The following LRTM3 variants were observed in gnomAD, a reference collection of about 807,000 sequenced individuals.
LRTM3 encodes the protein leucine rich repeat transmembrane protein 3.
At chr13:102,732,900 C>A in the LRTM3 span, 1 of 1,551,408 alleles carries the variant, frequency 6.4e-7, no homozygotes, top group Non-Finnish European at 8.7e-7. Context: ...TCCTCCAGAT[C>A]CCCTGATTGA....
At chr13:102,746,626 G>A in the LRTM3 span, 1 of 1,551,196 alleles carries the variant, frequency 6.4e-7, no homozygotes, top group Non-Finnish European at 8.7e-7. Context: ...TACTTGTTGT[G>A]AGTGCAAATG....
At chr13:102,730,463 A>T in the LRTM3 span, 2 of 1,551,446 alleles carry the variant, frequency 1.3e-6, no homozygotes, top group Non-Finnish European at 1.7e-6. Flanking sequence ...CCTTAAATCA[A>T]CAGATTCACA....
chr13:102,742,315 A>G, the LRTM3 span: 1 of 1,549,746 alleles, frequency 6.5e-7, no homozygotes, highest in South Asian at 1.2e-5. Context: ...TACTTTCCAC[A>G]TCTGCTGTCT....
At chr13:102,731,410 C>T in the LRTM3 span, 1 of 1,551,426 alleles carries the variant, frequency 6.4e-7, no homozygotes, top group Non-Finnish European at 8.7e-7. Flanking sequence ...GTATCAGATT[C>T]AGTTGTATTT....
At chr13:102,749,523 A>G in the LRTM3 span, 3 of 1,551,428 alleles carry the variant, frequency 1.9e-6, no homozygotes, top group Non-Finnish European at 2.6e-6. Context: ...TCCTCACCTA[A>G]GTGTTCATCA....
chr13:102,748,564 ATT>A, the LRTM3 span: 3 of 1,550,686 alleles, frequency 1.9e-6, no homozygotes, highest in South Asian at 3.6e-5. Flanking sequence ...TTTTCATTCT[ATT>A]GTTCGATTCC....
chr13:102,754,957 C>T, the LRTM3 span, among the ~76,000 whole-genome samples: 1 of 152,178 alleles, frequency 6.6e-6, no homozygotes, highest in African/African-American at 2.4e-5. Flanking sequence ...CAGTCAGTGA[C>T]AAGTTTAAGC....
chr13:102,742,135 G>A, the LRTM3 span: 1 of 1,550,276 alleles, frequency 6.5e-7, no homozygotes, highest in Non-Finnish European at 8.7e-7. Context: ...AGTATCCAGA[G>A]TCATAAACAG....
the LRTM3 span, chr13:102,734,861 C>G: frequency 6.4e-7 from 1 of 1,551,034 alleles, no homozygotes. Context: ...TATTAAGATG[C>G]TTACTATTTG....
chr13:102,754,728 A>C, the LRTM3 span, among the ~76,000 whole-genome samples: 1 of 152,130 alleles, frequency 6.6e-6, no homozygotes, highest in Non-Finnish European at 1.5e-5. Context: ...GCCTCTCCCC[A>C]CCAAGGAATC....
chr13:102,738,584 T>G, the LRTM3 span: 2 of 1,550,370 alleles, frequency 1.3e-6, no homozygotes, highest in Non-Finnish European at 1.7e-6. Context: ...CTGTTCTTTT[T>G]GCAATATAGA....
the LRTM3 span, chr13:102,746,867 G>A: frequency 6.4e-7 from 1 of 1,551,294 alleles, no homozygotes. Flanking sequence ...CTCTGAATCT[G>A]CAGTGCATTT....
At chr13:102,758,464 T>A in the LRTM3 span, 1 of 1,540,140 alleles carries the variant, frequency 6.5e-7, no homozygotes, top group Non-Finnish European at 8.8e-7. Context: ...TGAATAGGAA[T>A]AAAAAAGTCA....
the LRTM3 span, chr13:102,743,429 T>A: frequency 6.4e-7 from 1 of 1,550,624 alleles, no homozygotes; most frequent in Non-Finnish European, 8.7e-7. Flanking sequence ...GGTTTTTAAA[T>A]TGGATTCAAG....
the LRTM3 span, chr13:102,732,472 A>T: frequency 2.6e-6 from 4 of 1,551,070 alleles, no homozygotes; most frequent in Non-Finnish European, 3.5e-6. Context: ...TCTGATCTTT[A>T]CGTTTGGGAG....
the LRTM3 span, chr13:102,739,073 A>G: frequency 3.9e-6 from 6 of 1,550,460 alleles, no homozygotes; most frequent in African/African-American, 1.4e-5. Context: ...TATTCCTCTC[A>G]TGTATACCTC....
the LRTM3 span, chr13:102,748,226 G>T: frequency 6.4e-7 from 1 of 1,551,154 alleles, no homozygotes; most frequent in Non-Finnish European, 8.7e-7. Context: ...GTTACTTCCA[G>T]TGTTGCATTC....
At chr13:102,748,101 C>G in the LRTM3 span, 1 of 1,551,056 alleles carries the variant, frequency 6.4e-7, no homozygotes, top group Non-Finnish European at 8.7e-7. Flanking sequence ...CTTAATGTGT[C>G]TGCCTTGGCT....
At chr13:102,735,494 T>C in the LRTM3 span, 1 of 1,551,270 alleles carries the variant, frequency 6.4e-7, no homozygotes, top group Non-Finnish European at 8.7e-7. Flanking sequence ...TGGCAGTCCT[T>C]TAACTTGTTT....
Sources: gnomAD v4.1 joint callset for allele counts (sites outside exome capture counted in the v4.1 genomes callset) on GRCh38, gnomAD v4.1.1 for gene constraint, MANE v1.5 for transcripts, NCBI Gene and HGNC (gene_info 2026-07-23, HGNC 2026-07-21) for gene names.